The following DIAPH3 variants were observed in gnomAD, a reference collection of about 807,000 sequenced individuals.
DIAPH3 encodes the protein diaphanous related formin 3.
DIAPH3 carries 117 observed loss-of-function variants against 144.3 expected under a neutral mutation model. The observed-to-expected ratio is 0.81, with a 90% CI of 0.70 to 0.95. The LOEUF is 0.95. Ranked by LOEUF, DIAPH3 falls within the 40% of genes least tolerant of loss-of-function variation. The pLI, the probability that DIAPH3 is intolerant of heterozygous loss-of-function variation, is 0.00. For synonymous variants in DIAPH3, 519 were observed against 488.9 expected (o/e 1.06, Z -0.81); for missense variants, 1,421 against 1,412.7 (o/e 1.01, Z -0.09).
intron 17 of DIAPH3, among the ~76,000 whole-genome samples, chr13:59,964,778 T>C (rs977381553): frequency 2.0e-5 from 3 of 152,288 alleles, no homozygotes; most frequent in African/African-American, 4.8e-5. Context: ...TCTTTACTAC[T>C]TTTGAGATTC....
chr13:59,689,312 C>T (rs960707468), intron 27 of DIAPH3, among the ~76,000 whole-genome samples: 12 of 151,968 alleles, frequency 7.9e-5, no homozygotes, highest in African/African-American at 2.7e-4. Context: ...GCTGTCCACA[C>T]CCTGTCTCCT....
intron 22 of DIAPH3, among the ~76,000 whole-genome samples, chr13:59,850,753 C>T (rs1228514404): frequency 4.3e-4 from 65 of 151,222 alleles, no homozygotes; most frequent in African/African-American, 1.2e-3. Context: ...AACACCTCTA[C>T]GCAAATAAAC....
chr13:59,830,646 G>C (rs143590804), intron 24 of DIAPH3, among the ~76,000 whole-genome samples: 134 of 151,786 alleles, frequency 8.8e-4, no homozygotes, highest in African/African-American at 3.0e-3. Flanking sequence ...GTTACCCACA[G>C]AATGCCAAAA....
At chr13:59,737,803 T>G (rs2036232919) in intron 27 of DIAPH3, among the ~76,000 whole-genome samples, 1 of 152,148 alleles carries the variant, frequency 6.6e-6, no homozygotes. Context: ...ACGCAAACTC[T>G]TATCTTCAAA....
At chr13:59,782,887 T>C in intron 25 of DIAPH3, among the ~76,000 whole-genome samples, 1 of 152,118 alleles carries the variant, frequency 6.6e-6, no homozygotes, top group African/African-American at 2.4e-5. Context: ...GCAGGGATTC[T>C]TGAAGAATGT....
chr13:59,758,746 AG>A (rs1289887625), intron 27 of DIAPH3, among the ~76,000 whole-genome samples: 2 of 151,914 alleles, frequency 1.3e-5, no homozygotes, highest in African/African-American at 2.4e-5. Context: ...TTTAGTGAAG[AG>A]GGGGCTTCAC....
chr13:59,771,116 G>T (rs1021284448), intron 27 of DIAPH3, among the ~76,000 whole-genome samples: 2 of 151,992 alleles, frequency 1.3e-5, no homozygotes, highest in East Asian at 3.9e-4. Flanking sequence ...CAACGTCCAG[G>T]AGGATACTTT....
chr13:59,715,468 C>T (rs746143306), intron 27 of DIAPH3, among the ~76,000 whole-genome samples: 4 of 152,140 alleles, frequency 2.6e-5, no homozygotes, highest in African/African-American at 7.2e-5. Flanking sequence ...ACACATAACA[C>T]GCAAGCCTCT....
chr13:59,806,219 T>C (rs1470833453), intron 25 of DIAPH3, among the ~76,000 whole-genome samples: 1 of 151,922 alleles, frequency 6.6e-6, no homozygotes, highest in Non-Finnish European at 1.5e-5. Context: ...CTAATGTAAA[T>C]TCAATAATTC....
In DIAPH3 at chr13:59,697,488, A is replaced by G. The variant is rs375012513; in HGVS notation, c.3320-30642T>C. Among the ~76,000 whole-genome samples the G allele has an allele frequency of 1.5e-3, 223 of 146,938 alleles. 3 individuals carry two copies. The highest frequency in any genetic ancestry group is 5.2e-3 in the African/African-American group (209 of 39,886). ...AAAAAAAAAAAAAAAAAAAAAAAAA[A>G]AAAAAGAAGAGGGGATTCAACTCAT... is the stretch of plus-strand genomic sequence containing the variant. On this transcript the variant is annotated intron_variant, in intron 27 of 27. Coordinates refer to ENST00000400324, the MANE Select transcript of DIAPH3 (RefSeq NM_001042517.2).
At chr13:59,815,119 G>A (rs138806917) in intron 24 of DIAPH3, among the ~76,000 whole-genome samples, 4 of 152,286 alleles carry the variant, frequency 2.6e-5, no homozygotes, top group Middle Eastern at 3.4e-3. Flanking sequence ...TGAACAGTAT[G>A]AGTTGGAGAT....
At chr13:60,029,745 C>G (rs2054648607) in intron 5 of DIAPH3, among the ~76,000 whole-genome samples, 4 of 152,174 alleles carry the variant, frequency 2.6e-5, no homozygotes, top group Admixed American at 2.6e-4. Flanking sequence ...TCAGGCAGTT[C>G]TTTATAGCAG....
intron 2 of DIAPH3, among the ~76,000 whole-genome samples, chr13:60,114,974 G>A (rs969467072): frequency 1.3e-5 from 2 of 152,078 alleles, no homozygotes; most frequent in African/African-American, 4.8e-5. Context: ...ATAGCCTCCT[G>A]TTAATGGGAA....
intron 5 of DIAPH3, among the ~76,000 whole-genome samples, chr13:60,040,272 C>A (rs1472643707): frequency 7.1e-6 from 1 of 140,662 alleles, no homozygotes; most frequent in African/African-American, 2.6e-5. Flanking sequence ...AATTTTCTCT[C>A]TAAATAAAGT....
intron 4 of DIAPH3, among the ~76,000 whole-genome samples, chr13:60,074,222 A>G (rs1433356530): frequency 6.6e-6 from 1 of 152,194 alleles, no homozygotes; most frequent in Non-Finnish European, 1.5e-5. Flanking sequence ...GGGCCCATAT[A>G]TCACATTGTA....
intron 22 of DIAPH3, among the ~76,000 whole-genome samples, chr13:59,842,802 C>T (rs895240774): frequency 2.0e-5 from 3 of 152,082 alleles, no homozygotes; most frequent in Non-Finnish European, 2.9e-5. Flanking sequence ...AACAACCAAA[C>T]GGAAGAGAGG....
At chr13:59,942,424 A>T (rs1371566219) in intron 17 of DIAPH3, among the ~76,000 whole-genome samples, 2 of 152,188 alleles carry the variant, frequency 1.3e-5, no homozygotes, top group South Asian at 4.1e-4. Context: ...TCTAGTTAAT[A>T]CACATCAAAA....
chr13:59,831,055 C>T (rs2041748933), intron 24 of DIAPH3, among the ~76,000 whole-genome samples: 1 of 151,270 alleles, frequency 6.6e-6, no homozygotes, highest in Non-Finnish European at 1.5e-5. Flanking sequence ...CATTTTATAG[C>T]AGTATAACAC....
intron 27 of DIAPH3, among the ~76,000 whole-genome samples, chr13:59,752,161 T>G (rs2139124107): frequency 6.6e-6 from 1 of 152,340 alleles, no homozygotes; most frequent in Non-Finnish European, 1.5e-5. Flanking sequence ...TGCATAGTGC[T>G]TTGCATGGCT....
Sources: allele counts gnomAD v4.1 joint callset (sites outside exome capture counted in the v4.1 genomes callset), GRCh38; gene constraint gnomAD v4.1.1; transcripts MANE v1.5; gene names NCBI Gene and HGNC (gene_info 2026-07-23, HGNC 2026-07-21).